The following ANK2 variants were observed in gnomAD, a reference collection of about 807,000 sequenced individuals.
ANK2 encodes ankyrin 2.
A neutral mutation model predicts 360.5 loss-of-function variants in ANK2; 83 were observed. The ratio of observed to expected loss-of-function variants is 0.23; its 90% confidence interval spans 0.19 to 0.28. The LOEUF is 0.28. Ranked by LOEUF, ANK2 falls within the 10% of genes least tolerant of loss-of-function variation. The probability of loss-of-function intolerance (pLI) is 1.00; values close to 1 mark genes in which losing one functional copy is unlikely to be tolerated. For synonymous variants in ANK2, 1,740 were observed against 1,759.5 expected, an observed-to-expected ratio of 0.99 and a Z score of 0.28; for missense variants, 4,201 against 4,795.7, an observed-to-expected ratio of 0.88 and a Z score of 3.66.
intron 2 of ANK2, among the ~76,000 whole-genome samples, chr4:113,174,850 C>A (rs2098133177): frequency 6.6e-6 from 1 of 152,010 alleles, no homozygotes; most frequent in Non-Finnish European, 1.5e-5. Flanking sequence ...GGCTTCTTTC[C>A]TTCTTGACTA....
At chr4:112,778,540 G>A in the ANK2 span, among the ~76,000 whole-genome samples, 1 of 152,332 alleles carries the variant, frequency 6.6e-6, no homozygotes, top group East Asian at 1.9e-4. Context: ...AAATCCATGT[G>A]TAGCTAAGGG....
At chr4:112,738,863 C>CA in the ANK2 span, 122 of 655,466 alleles carry the variant, frequency 1.9e-4, 2 homozygotes, top group South Asian at 1.4e-3. Context: ...GGAGCAACAA[C>CA]AACAAACAAA....
intron 2 of ANK2, among the ~76,000 whole-genome samples, chr4:112,986,388 C>T (rs1369789415): frequency 6.6e-6 from 1 of 152,124 alleles, no homozygotes; most frequent in Non-Finnish European, 1.5e-5. Context: ...TTTGGTAACC[C>T]ACATGTGCAT....
intron 14 of ANK2, among the ~76,000 whole-genome samples, chr4:113,273,846 A>G (rs2059339168): frequency 6.6e-6 from 1 of 152,158 alleles, no homozygotes; most frequent in Non-Finnish European, 1.5e-5. Context: ...GCTTTTTGCC[A>G]GAGCCCCATT....
the ANK2 span, chr4:112,788,338 G>T: frequency 6.5e-7 from 1 of 1,542,792 alleles, no homozygotes; most frequent in Non-Finnish European, 8.8e-7. Flanking sequence ...TCTTGATAAT[G>T]CACTAAGGGA....
intron 1 of ANK2, chr4:113,145,776 A>G: frequency 8.1e-7 from 1 of 1,229,276 alleles, no homozygotes; most frequent in Non-Finnish European, 1.0e-6. Flanking sequence ...GATCATCTTG[A>G]TGAATTGCCC....
chr4:112,907,604 T>C (rs544372084), intron 2 of ANK2, among the ~76,000 whole-genome samples: 2 of 152,324 alleles, frequency 1.3e-5, no homozygotes, highest in Non-Finnish European at 2.9e-5. Flanking sequence ...ATCACAACTA[T>C]ATTGAATTTC....
chr4:113,102,111 G>T (rs767178971), intron 1 of ANK2, among the ~76,000 whole-genome samples: 3 of 152,118 alleles, frequency 2.0e-5, no homozygotes, highest in Non-Finnish European at 4.4e-5. Context: ...ACACTGAGAG[G>T]AATGGTGGAG....
At chr4:112,750,692 C>T in the ANK2 span, among the ~76,000 whole-genome samples, 92 of 151,966 alleles carry the variant, frequency 6.1e-4, no homozygotes, top group African/African-American at 2.2e-3. Flanking sequence ...GCCCCAAGGG[C>T]TGCTGGGTTG....
Position 113,356,587 on chromosome 4 carries a change from A to G in ANK2, c.7969A>G (p.Ser2657Gly), listed in dbSNP as rs144318707. ...SGVPVLVTSE[S>G]RKVSSSSESE... ...TGTCCCTGTGTTAGTAACTTCGGAG[A>G]GCAGGAAGGTGTCTTCCTCCTCAGA... The change falls in exon 38 of 46, where the codon AGC (serine) becomes GGC (glycine). Residue 2657 changes from serine (S) to glycine (G), a missense_variant. Ser to Gly is a moderately conservative substitution (Grantham distance 56, BLOSUM62 0). Around this residue, in one of 4 missense-constraint regions of ANK2, gnomAD observed 2,642 missense variants for 2,714.5 expected, o/e 0.97. Coordinates refer to ENST00000357077, the MANE Select transcript of ANK2 (RefSeq NM_001148.6). 8 of 1,613,962 alleles carry G rather than the reference A, an allele frequency of 5.0e-6. No homozygotes were observed. In the African/African-American group the frequency reaches 9.3e-5, roughly 19 times the overall value.
chr4:113,243,392 C>T (rs897564699), intron 9 of ANK2, among the ~76,000 whole-genome samples: 2 of 152,202 alleles, frequency 1.3e-5, no homozygotes, highest in Non-Finnish European at 2.9e-5. Context: ...TAAACTTTAT[C>T]ATCTGTAAGC....
intron 1 of ANK2, among the ~76,000 whole-genome samples, chr4:112,819,923 A>AC (rs1219142269): frequency 2.0e-5 from 3 of 151,576 alleles, no homozygotes; most frequent in African/African-American, 7.3e-5. Context: ...CCTAGACCAC[A>AC]CCCCCTTTTT....
chr4:113,325,477 T>C (rs1169612906), intron 26 of ANK2, among the ~76,000 whole-genome samples: 1 of 152,156 alleles, frequency 6.6e-6, no homozygotes, highest in Non-Finnish European at 1.5e-5. Flanking sequence ...GTGACTTACC[T>C]GAGGTTACAA....
chr4:112,725,158 T>G, the ANK2 span, among the ~76,000 whole-genome samples: 1 of 150,916 alleles, frequency 6.6e-6, no homozygotes, highest in African/African-American at 2.4e-5. Flanking sequence ...GGCGGGCGCC[T>G]GTAGTTCCAG....
intron 1 of ANK2, among the ~76,000 whole-genome samples, chr4:112,845,138 A>G (rs549998852): frequency 2.0e-4 from 30 of 152,356 alleles, no homozygotes; most frequent in African/African-American, 7.2e-4. Context: ...ACACTTATCA[A>G]AACTTTTTAT....
At chr4:113,086,732 G>C (rs2084993414) in intron 1 of ANK2, among the ~76,000 whole-genome samples, 1 of 152,190 alleles carries the variant, frequency 6.6e-6, no homozygotes. Flanking sequence ...AGTTAGGGAA[G>C]GCTCCTTTGA....
chr4:113,254,351 A>T (rs2153620191), intron 10 of ANK2, among the ~76,000 whole-genome samples: 1 of 152,298 alleles, frequency 6.6e-6, no homozygotes, highest in South Asian at 2.1e-4. Context: ...ACAGGGCTTG[A>T]GTAGGTGCTA....
Position 113,309,125 on chromosome 4 carries a change from A to T in ANK2, c.2549-2130A>T, listed in dbSNP as rs577424645. Among the ~76,000 whole-genome samples, 6 of 152,302 alleles carry T rather than the reference A, an allele frequency of 3.9e-5. No homozygotes were observed. In the South Asian group the frequency reaches 6.2e-4, roughly 16 times the overall value. ...TTTCCATCTTTCACTGCTGGTATGT[A>T]TTACTGAATAGCATGATTTATATAC... On this transcript the variant is annotated intron_variant, in intron 23 of 45. Transcript: ENST00000357077.
chr4:112,763,531 C>CTT, the ANK2 span, among the ~76,000 whole-genome samples: 17 of 138,116 alleles, frequency 1.2e-4, 1 homozygote, highest in South Asian at 2.4e-4. Context: ...AGCGCCTGGC[C>CTT]TTTTTTTTTT....
Sources: allele counts gnomAD v4.1 joint callset (sites outside exome capture counted in the v4.1 genomes callset), GRCh38; gene constraint gnomAD v4.1.1; regional missense constraint gnomAD v4.1.1; transcripts MANE v1.5; gene names NCBI Gene and HGNC (gene_info 2026-07-23, HGNC 2026-07-21).